Variants in PSD3 observed in about 807,000 individuals in gnomAD.
The protein encoded by PSD3 is pleckstrin and Sec7 domain containing 3.
In PSD3, 49 loss-of-function variants were observed where a neutral mutation model predicts 105.5. The ratio of observed to expected loss-of-function variants is 0.46; its 90% confidence interval spans 0.37 to 0.59. The LOEUF is 0.59. Ranked by LOEUF, PSD3 falls within the 20% of genes least tolerant of loss-of-function variation. The pLI is 0.00. For synonymous variants in PSD3, 557 were observed against 457.8 expected (o/e 1.22, Z -2.77); for missense variants, 1,561 against 1,263.8 (o/e 1.24, Z -3.57).
chr8:18,855,022 G>A (rs904083503), intron 4 of PSD3, among the ~76,000 whole-genome samples: 3 of 152,168 alleles, frequency 2.0e-5, no homozygotes, highest in African/African-American at 7.2e-5. Flanking sequence ...ACTGGAAGCC[G>A]TGGCCGCCAG....
chr8:18,976,698 T>C (rs78714252), intron 1 of PSD3, among the ~76,000 whole-genome samples: 17,065 of 152,278 alleles, frequency 0.11, 1,183 homozygotes, highest in Non-Finnish European at 0.16. Context: ...GTATTACTAA[T>C]AATAATATAA....
chr8:18,772,184 C>A (rs1005846056), intron 8 of PSD3, among the ~76,000 whole-genome samples: 1 of 152,098 alleles, frequency 6.6e-6, no homozygotes, highest in Non-Finnish European at 1.5e-5. Flanking sequence ...AGTGTGGCTA[C>A]GAACATGGGT....
chr8:18,795,710 A>G (rs1021633157), intron 8 of PSD3, among the ~76,000 whole-genome samples: 3 of 152,170 alleles, frequency 2.0e-5, no homozygotes, highest in Non-Finnish European at 4.4e-5. Flanking sequence ...ACCTGACTAA[A>G]CTGTGACTGA....
chr8:18,929,241 C>A (rs1371206257), intron 2 of PSD3, among the ~76,000 whole-genome samples: 1 of 131,860 alleles, frequency 7.6e-6, no homozygotes, highest in Non-Finnish European at 1.6e-5. Flanking sequence ...AAAATAAATT[C>A]ACAACAGTGC....
chr8:18,974,521 G>A (rs1824823013), intron 1 of PSD3, among the ~76,000 whole-genome samples: 2 of 152,178 alleles, frequency 1.3e-5, no homozygotes, highest in Non-Finnish European at 2.9e-5. Flanking sequence ...ACCAAATCCT[G>A]TGCCATTCGG....
chr8:18,607,399 C>T (rs949395934), intron 11 of PSD3, among the ~76,000 whole-genome samples: 2 of 152,044 alleles, frequency 1.3e-5, no homozygotes, highest in Non-Finnish European at 1.5e-5. Flanking sequence ...AACAAAAGCC[C>T]GTAAGTCTAT....
At chr8:18,698,621 G>C (rs1801397972) in intron 9 of PSD3, among the ~76,000 whole-genome samples, 1 of 152,138 alleles carries the variant, frequency 6.6e-6, no homozygotes, top group Admixed American at 6.5e-5. Flanking sequence ...ACCCATTTTG[G>C]ACTTCTGACC....
At chr8:18,786,031 C>A (rs906737524) in intron 8 of PSD3, among the ~76,000 whole-genome samples, 2 of 152,138 alleles carry the variant, frequency 1.3e-5, no homozygotes, top group African/African-American at 4.8e-5. Context: ...AAGCAAAGGA[C>A]AATAAAATGA....
At chr8:19,074,222 T>C (rs2129478060) in intron 1 of PSD3, among the ~76,000 whole-genome samples, 1 of 152,274 alleles carries the variant, frequency 6.6e-6, no homozygotes, top group South Asian at 2.1e-4. Flanking sequence ...TTCAAATCAC[T>C]GGCTTGGATC....
intron 1 of PSD3, among the ~76,000 whole-genome samples, chr8:19,057,631 T>A (rs17127734): frequency 0.043 from 6,611 of 152,166 alleles, 476 homozygotes; most frequent in African/African-American, 0.15. Flanking sequence ...TGCTAAACAT[T>A]TGCTTCATCT....
chr8:18,894,037 G>C (rs1342476944), intron 2 of PSD3, among the ~76,000 whole-genome samples: 1 of 152,136 alleles, frequency 6.6e-6, no homozygotes, highest in African/African-American at 2.4e-5. Context: ...CCCTAAGTCA[G>C]TCAATATATA....
chr8:18,656,534 CTTACAGTTAAGTA>C (rs1258511425), intron 9 of PSD3, among the ~76,000 whole-genome samples: 2 of 152,166 alleles, frequency 1.3e-5, no homozygotes, highest in East Asian at 3.9e-4. Flanking sequence ...CCAATTCTGC[CTTACAGTTAAGTA>C]TTACATTTTG....
intron 4 of PSD3, among the ~76,000 whole-genome samples, chr8:18,834,256 T>C (rs1315694580): frequency 6.6e-6 from 1 of 152,202 alleles, no homozygotes; most frequent in African/African-American, 2.4e-5. Flanking sequence ...CATGATTTAA[T>C]TGAGCCTTGA....
intron 1 of PSD3, among the ~76,000 whole-genome samples, chr8:19,068,911 G>C (rs1282744500): frequency 6.6e-6 from 1 of 152,028 alleles, no homozygotes; most frequent in Admixed American, 6.6e-5. Context: ...GGGTGGCCTG[G>C]AAAGGTGAAC....
At chr8:18,777,406 A>T (rs1214518333) in intron 8 of PSD3, among the ~76,000 whole-genome samples, 1 of 152,084 alleles carries the variant, frequency 6.6e-6, no homozygotes, top group East Asian at 1.9e-4. Flanking sequence ...TGTTTCTTAA[A>T]ATCTGAACTT....
At chr8:18,704,322 C>A (rs557621192) in intron 9 of PSD3, among the ~76,000 whole-genome samples, 19 of 152,284 alleles carry the variant, frequency 1.2e-4, no homozygotes, top group African/African-American at 4.6e-4. Flanking sequence ...GGACCTTAAA[C>A]TCCGTGTATA....
chr8:18,830,519 T>C (rs1388769593), intron 4 of PSD3, among the ~76,000 whole-genome samples: 2 of 152,196 alleles, frequency 1.3e-5, no homozygotes, highest in Admixed American at 6.5e-5. Flanking sequence ...ATGCAACTTG[T>C]TTAAAAGAAC....
intron 2 of PSD3, among the ~76,000 whole-genome samples, chr8:18,873,367 A>T (rs1466131320): frequency 6.6e-6 from 1 of 152,182 alleles, no homozygotes; most frequent in Non-Finnish European, 1.5e-5. Flanking sequence ...CAGGAACCCA[A>T]CTACGGAAAA....
At chr8:18,756,449 C>T (rs1314408304) in intron 9 of PSD3, among the ~76,000 whole-genome samples, 4 of 152,130 alleles carry the variant, frequency 2.6e-5, no homozygotes, top group African/African-American at 9.7e-5. Context: ...TGAACATTCT[C>T]TGGTTTCATT....
Sources: allele counts gnomAD v4.1 joint callset (sites outside exome capture counted in the v4.1 genomes callset), GRCh38; gene constraint gnomAD v4.1.1; transcripts MANE v1.5; gene names NCBI Gene and HGNC (gene_info 2026-07-23, HGNC 2026-07-21).